Variants in HDAC8 observed in about 807,000 individuals in gnomAD.
HDAC8 encodes histone deacetylase 8.
In HDAC8, 1 loss-of-function variant was observed where a neutral mutation model predicts 32.2. That is an observed-to-expected ratio of 0.03 (90% CI 0.01 to 0.15). HDAC8 has a LOEUF of 0.15. HDAC8 is among the 10% of genes least tolerant of loss of function. HDAC8 has a pLI of 1.00. For missense variants in HDAC8, 117 were observed against 300.0 expected, an observed-to-expected ratio of 0.39 and a Z score of 4.51; for synonymous variants, 108 against 113.9, an observed-to-expected ratio of 0.95 and a Z score of 0.33.
chrX:72,524,785 C>A (rs973242668), intron 4 of HDAC8, among the ~76,000 whole-genome samples: 6 of 110,913 alleles, frequency 5.4e-5, no homozygotes, highest in African/African-American at 2.0e-4. Context: ...CCATGTCTGA[C>A]AACCAGTTCA....
intron 4 of HDAC8, among the ~76,000 whole-genome samples, chrX:72,531,312 A>G (rs1263821810): frequency 8.9e-6 from 1 of 112,255 alleles, no homozygotes; most frequent in Non-Finnish European, 1.9e-5. Context: ...AAAACTGATC[A>G]GAATATGTTT....
intron 9 of HDAC8, among the ~76,000 whole-genome samples, chrX:72,401,482 C>G (rs917477046): frequency 2.7e-5 from 3 of 111,928 alleles, no homozygotes; most frequent in Non-Finnish European, 3.8e-5. Flanking sequence ...GCTGCTTTGG[C>G]CTCCCAAAGT....
At chrX:72,487,490 G>A (rs868951180) in intron 7 of HDAC8, among the ~76,000 whole-genome samples, 31 of 111,092 alleles carry the variant, frequency 2.8e-4, no homozygotes, top group African/African-American at 9.5e-4. Flanking sequence ...GAAGATCTCA[G>A]GAGGTTTTAT....
In HDAC8 at chrX:72,411,488, C is replaced by T. The variant is rs781824644; in HGVS notation, c.1005+50516G>A. 1.1e-4 allele frequency among the ~76,000 whole-genome samples: 12 copies of T among 112,176 alleles called. No individual in the cohort carries two copies. The South Asian group carries it at 4.4e-3, about 41-fold the overall frequency. On this transcript the variant is annotated intron_variant, in intron 9 of 10. Coordinates refer to ENST00000373573, the MANE Select transcript of HDAC8 (RefSeq NM_018486.3). ...TTTATTGTCTTCTTAGCACTTATCA[C>T]AATATGTAATTATTTTATTGTGTTT... is the stretch of plus-strand genomic sequence containing the variant.
At chrX:72,514,922 T>C (rs781944034) in intron 4 of HDAC8, among the ~76,000 whole-genome samples, 187 of 111,319 alleles carry the variant, frequency 1.7e-3, no homozygotes, top group Non-Finnish European at 2.8e-3. Context: ...TTGAGGTATA[T>C]TGGATAATTA....
At chrX:72,361,511 A>G (rs181886807) in intron 9 of HDAC8, among the ~76,000 whole-genome samples, 100 of 111,331 alleles carry the variant, frequency 9.0e-4, no homozygotes, top group African/African-American at 3.2e-3. Flanking sequence ...TATGCTCAAT[A>G]TTAACATCTT....
intron 10 of HDAC8, among the ~76,000 whole-genome samples, chrX:72,344,616 A>C (rs1555946286): frequency 8.9e-6 from 1 of 112,231 alleles, no homozygotes; most frequent in African/African-American, 3.2e-5. Flanking sequence ...TCAGTACATC[A>C]AAAGAGAACA....
At chrX:72,356,762 T>G (rs1555950953) in intron 9 of HDAC8, among the ~76,000 whole-genome samples, 1 of 111,644 alleles carries the variant, frequency 9.0e-6, no homozygotes, top group African/African-American at 3.3e-5. Context: ...GTATTTTTAG[T>G]AGAGACGGGG....
chrX:72,532,225 T>C (rs1408327691), intron 4 of HDAC8, among the ~76,000 whole-genome samples: 1 of 105,058 alleles, frequency 9.5e-6, no homozygotes, highest in African/African-American at 3.5e-5. Flanking sequence ...GCCAGGACTA[T>C]AGGCATGCAC....
At chrX:72,403,353 CT>C (rs2045955742) in intron 9 of HDAC8, among the ~76,000 whole-genome samples, 1 of 111,596 alleles carries the variant, frequency 9.0e-6, no homozygotes, top group Admixed American at 9.5e-5. Context: ...TATATCTTAA[CT>C]TACTAGTATC....
intron 10 of HDAC8, among the ~76,000 whole-genome samples, chrX:72,336,797 TG>T (rs2043703781): frequency 9.0e-6 from 1 of 110,752 alleles, no homozygotes; most frequent in South Asian, 3.9e-4. Flanking sequence ...TTGCCCAGGC[TG>T]GAATGTAGTA....
intron 4 of HDAC8, among the ~76,000 whole-genome samples, chrX:72,556,553 G>T (rs1556094014): frequency 9.0e-6 from 1 of 111,477 alleles, no homozygotes; most frequent in African/African-American, 3.3e-5. Flanking sequence ...TAAAGGGGCA[G>T]AAAAAGATAT....
chrX:72,372,065 C>T (rs1555956581), intron 9 of HDAC8, among the ~76,000 whole-genome samples: 2 of 111,409 alleles, frequency 1.8e-5, no homozygotes, highest in African/African-American at 6.5e-5. Flanking sequence ...GGCTTTTGGT[C>T]ATGTTGGACT....
At chrX:72,367,873 G>C (rs1355759384) in intron 9 of HDAC8, among the ~76,000 whole-genome samples, 4 of 112,889 alleles carry the variant, frequency 3.5e-5, no homozygotes, top group Non-Finnish European at 3.7e-5. Flanking sequence ...GGAGAAAAAG[G>C]CTTCCTTTTG....
At chrX:72,408,720 C>G (rs1429743501) in intron 9 of HDAC8, among the ~76,000 whole-genome samples, 1 of 111,761 alleles carries the variant, frequency 8.9e-6, no homozygotes, top group Non-Finnish European at 1.9e-5. Flanking sequence ...GGAAAGCACT[C>G]TAAGCAGAGA....
At chrX:72,424,646 G>A (rs781915017) in intron 9 of HDAC8, among the ~76,000 whole-genome samples, 6 of 111,414 alleles carry the variant, frequency 5.4e-5, no homozygotes, top group East Asian at 2.8e-4. Context: ...AACCATTACC[G>A]TTATCCACTT....
At chrX:72,554,721 CCCCA>C (rs372936601) in intron 4 of HDAC8, among the ~76,000 whole-genome samples, 1 of 111,565 alleles carries the variant, frequency 9.0e-6, no homozygotes, top group African/African-American at 3.3e-5. Context: ...CCACAGCAGG[CCCCA>C]CCCAAGGAGA....
chrX:72,363,741 T>A (rs2044621919), intron 9 of HDAC8, among the ~76,000 whole-genome samples: 1 of 110,977 alleles, frequency 9.0e-6, no homozygotes, highest in African/African-American at 3.3e-5. Flanking sequence ...CCAGCTAAAT[T>A]TTTTGTATTT....
intron 4 of HDAC8, chrX:72,567,546 A>G: frequency 4.6e-6 from 2 of 431,233 alleles, no homozygotes; most frequent in Admixed American, 4.0e-5. Context: ...AGACAGGGGA[A>G]TTTCTAGAAA....
Sources: allele counts gnomAD v4.1 joint callset (sites outside exome capture counted in the v4.1 genomes callset), GRCh38; gene constraint gnomAD v4.1.1; transcripts MANE v1.5; gene names NCBI Gene and HGNC (gene_info 2026-07-23, HGNC 2026-07-21).